ATP13A4: variants seen among roughly 807,000 people sequenced by gnomAD.
ATP13A4 encodes the protein probable cation-transporting ATPase 13A4.
A neutral mutation model predicts 142.5 loss-of-function variants in ATP13A4; 114 were observed. That is an observed-to-expected ratio of 0.80 (90% CI 0.69 to 0.93). ATP13A4 has a LOEUF of 0.93. ATP13A4 is among the 40% of genes least tolerant of loss of function. The pLI, the probability that ATP13A4 is intolerant of heterozygous loss-of-function variation, is 0.00. For missense variants in ATP13A4, 1,392 were observed against 1,454.0 expected (o/e 0.96, Z 0.69); for synonymous variants, 488 against 514.8 (o/e 0.95, Z 0.70).
intron 25 of ATP13A4, among the ~76,000 whole-genome samples, chr3:193,424,127 G>A (rs1266186180): frequency 6.8e-6 from 1 of 147,836 alleles, no homozygotes; most frequent in Non-Finnish European, 1.5e-5. Context: ...TAACCAAGGA[G>A]GTGAAAAATC....
In ATP13A4 at chr3:193,402,785, A is replaced by G; in HGVS notation, c.3458T>C (p.Ile1153Thr). 6.2e-7 allele frequency: 1 copy of G among 1,614,180 alleles called. No homozygotes were observed. The highest frequency in any genetic ancestry group is 8.5e-7 in the Non-Finnish European group (1 of 1,180,016). Residue 1153 changes from isoleucine (I) to threonine (T), a missense_variant, in exon 30 of 30, where the codon ATA becomes ACA. Physicochemically the swap from Ile to Thr is moderately conservative, Grantham distance 89. Transcript: ENST00000342695. Reference sequence around the variant, plus strand: ...GTCATTTGCCAAGTCCCTCTGCCATATCCGATACTGGCTTTTTGACTGATA... The same window carrying G: ...GTCATTTGCCAAGTCCCTCTGCCATGTCCGATACTGGCTTTTTGACTGATA... ...FGYQSKSQYR[I>T]WQRDLANDPS...
At chr3:193,458,355 C>T (rs1217163994) in intron 14 of ATP13A4, among the ~76,000 whole-genome samples, 1 of 152,200 alleles carries the variant, frequency 6.6e-6, no homozygotes. Flanking sequence ...GAGAACGTTT[C>T]CTTTTACGAG....
chr3:193,479,596 A>C (rs1719175799), intron 8 of ATP13A4, among the ~76,000 whole-genome samples: 1 of 152,136 alleles, frequency 6.6e-6, no homozygotes, highest in Non-Finnish European at 1.5e-5. Flanking sequence ...AAAACTACAA[A>C]ACACTGCTGA....
chr3:193,462,869 G>A, intron 12 of ATP13A4, 46 bp from the exon 13 acceptor site: 1 of 1,591,320 alleles, frequency 6.3e-7, no homozygotes, highest in East Asian at 2.2e-5. Context: ...TCCAGGCAAG[G>A]AGCGGTGGCT....
At chr3:193,451,735 G>A (rs1330956838) in intron 17 of ATP13A4, among the ~76,000 whole-genome samples, 3 of 152,262 alleles carry the variant, frequency 2.0e-5, no homozygotes, top group South Asian at 4.1e-4. Context: ...TATGCATGAA[G>A]TGGGCCAATA....
intron 1 of ATP13A4, among the ~76,000 whole-genome samples, chr3:193,549,940 G>T (rs1253306447): frequency 1.3e-5 from 2 of 152,318 alleles, no homozygotes; most frequent in African/African-American, 4.8e-5. Context: ...ACAAACGGAT[G>T]ATATCCAAAA....
chr3:193,566,482 T>TGGG (rs1724137328), intron 2 of ATP13A4, among the ~76,000 whole-genome samples: 1 of 152,198 alleles, frequency 6.6e-6, no homozygotes, highest in Non-Finnish European at 1.5e-5. Context: ...GCCCGGAACC[T>TGGG]TCTTTGCTGG....
intron 1 of ATP13A4, among the ~76,000 whole-genome samples, chr3:193,517,057 T>A (rs1482069178): frequency 6.6e-6 from 1 of 152,182 alleles, no homozygotes; most frequent in Admixed American, 6.5e-5. Flanking sequence ...ATTAAATTAG[T>A]TTCCCAAGCC....
chr3:193,469,294 A>C (rs1490876922), intron 9 of ATP13A4, among the ~76,000 whole-genome samples: 1 of 152,208 alleles, frequency 6.6e-6, no homozygotes, highest in African/African-American at 2.4e-5. Flanking sequence ...GCTGGTCAGA[A>C]TAGTCAAATG....
At position 193,402,891 on chromosome 3, in the gene ATP13A4, C is replaced by T. The variant is rs1231633584; in HGVS notation, c.3379-27G>A. 1.9e-6 allele frequency: 3 copies of T among 1,603,442 alleles called. No individual in the cohort carries two copies. The African/African-American group carries it at 4.0e-5, about 21-fold the overall frequency. On this transcript the variant is annotated intron_variant, in intron 29 of 29. Transcript: ENST00000342695. ...TGCAAAATAAAATAATTACTTTTTACAAGCAAGGGTTGAGTGTTTTGAGGC... is the reference window on the plus strand; with the variant it reads ...TGCAAAATAAAATAATTACTTTTTATAAGCAAGGGTTGAGTGTTTTGAGGC...
intron 1 of ATP13A4, among the ~76,000 whole-genome samples, chr3:193,525,722 C>T (rs1179335234): frequency 1.3e-5 from 2 of 152,206 alleles, no homozygotes; most frequent in Admixed American, 1.3e-4. Context: ...TCACCCCACA[C>T]CAATGCACAC....
At chr3:193,425,695 T>G (rs1715623392) in intron 25 of ATP13A4, among the ~76,000 whole-genome samples, 1 of 151,652 alleles carries the variant, frequency 6.6e-6, no homozygotes, top group Non-Finnish European at 1.5e-5. Flanking sequence ...TAGTGGTTTC[T>G]TAAAGCTGGA....
At chr3:193,493,268 CA>C (rs1720043694) in intron 3 of ATP13A4, 108 bp from the exon 4 acceptor site, 2 of 904,510 alleles carry the variant, frequency 2.2e-6, no homozygotes, top group East Asian at 2.5e-5. Context: ...AAAACTCTAA[CA>C]TACTTATTTA....
intron 2 of ATP13A4, among the ~76,000 whole-genome samples, chr3:193,572,749 C>T (rs1724295865): frequency 6.6e-6 from 1 of 151,898 alleles, no homozygotes. Flanking sequence ...TCCCTGAAGA[C>T]GTTAGTACAT....
chr3:193,564,096 C>T (rs984959886), intron 2 of ATP13A4, among the ~76,000 whole-genome samples: 15 of 152,158 alleles, frequency 9.9e-5, no homozygotes, highest in Admixed American at 3.3e-4. Flanking sequence ...AAGGATTGCT[C>T]GAAGAGTATC....
At chr3:193,427,832 A>C (rs1255648432) in intron 25 of ATP13A4, among the ~76,000 whole-genome samples, 2 of 152,220 alleles carry the variant, frequency 1.3e-5, no homozygotes, top group Non-Finnish European at 2.9e-5. Flanking sequence ...AAAACCATAA[A>C]AACCCTAGAA....
intron 24 of ATP13A4, among the ~76,000 whole-genome samples, chr3:193,434,805 T>C (rs6769987): frequency 0.62 from 94,296 of 151,854 alleles, 31,118 homozygotes; most frequent in Non-Finnish European, 0.74. Flanking sequence ...TCTTGGTAAA[T>C]AAAAAAAAGT....
At chr3:193,430,836 C>G (rs1715930952) in intron 25 of ATP13A4, among the ~76,000 whole-genome samples, 1 of 151,956 alleles carries the variant, frequency 6.6e-6, no homozygotes, top group Admixed American at 6.6e-5. Context: ...GCATTTTAAG[C>G]AAGAGAATGA....
At chr3:193,462,729 A>G (rs189055178) in intron 13 of ATP13A4, 33 bp downstream of exon 13, 208 of 1,587,266 alleles carry the variant, frequency 1.3e-4, no homozygotes, top group Admixed American at 1.0e-3. Context: ...GAGACACTAG[A>G]ATGCATTTAG....
Sources: gnomAD v4.1 joint callset for allele counts (sites outside exome capture counted in the v4.1 genomes callset) on GRCh38, gnomAD v4.1.1 for gene constraint, MANE v1.5 for transcripts, NCBI Gene and HGNC (gene_info 2026-07-23, HGNC 2026-07-21) for gene names.